PARP4: variants seen among roughly 807,000 people sequenced by gnomAD.
PARP4 encodes the protein protein mono-ADP-ribosyltransferase PARP4.
Under a neutral mutation model 187.7 loss-of-function variants are expected in PARP4, and 120 were observed. The observed-to-expected ratio is 0.64, with a 90% CI of 0.55 to 0.74. The LOEUF is 0.74. Ranked by LOEUF, PARP4 falls within the 30% of genes least tolerant of loss-of-function variation. The probability of loss-of-function intolerance (pLI) is 0.00; values close to 1 mark genes in which losing one functional copy is unlikely to be tolerated. For missense variants in PARP4, 1,836 were observed against 2,070.5 expected, an observed-to-expected ratio of 0.89 and a Z score of 2.20; for synonymous variants, 654 against 740.9, an observed-to-expected ratio of 0.88 and a Z score of 1.90.
rs149861754 is a variant in PARP4, at chr13:24,505,297, G to A, written c.-1-1520C>T. On this transcript the variant is annotated intron_variant, in intron 1 of 33. Transcript: ENST00000381989. ...CACTGCTAAGTCTTACAGGCTAAGGGTACTTATAGGTATGGGCGGGAGGGG... is the reference window on the plus strand; with the variant it reads ...CACTGCTAAGTCTTACAGGCTAAGGATACTTATAGGTATGGGCGGGAGGGG... 2.8e-3 allele frequency among the ~76,000 whole-genome samples: 422 copies of A among 152,144 alleles called. 1 individual carries two copies. The highest frequency in any genetic ancestry group is 0.017 in the Middle Eastern group (5 of 294).
intron 12 of PARP4, among the ~76,000 whole-genome samples, chr13:24,479,817 G>A (rs1055710399): frequency 8.5e-5 from 13 of 152,150 alleles, no homozygotes; most frequent in Admixed American, 1.3e-4. Flanking sequence ...TTGTTCTTTC[G>A]CTCTTTGCAA....
At chr13:24,492,186 G>C (rs1868690933) in intron 9 of PARP4, among the ~76,000 whole-genome samples, 2 of 152,224 alleles carry the variant, frequency 1.3e-5, no homozygotes, top group South Asian at 4.1e-4. Flanking sequence ...TTACAAGATA[G>C]CAATTTTAAA....
At position 24,453,028 on chromosome 13, in the gene PARP4, G is replaced by T. The variant is rs187932964; in HGVS notation, c.2827-435C>A. ...CGGCTCACTGCAACTTCTACCTCCT[G>T]GGTTCAAGCGATTCTCCTGCCTCAG... On this transcript the variant is annotated intron_variant, in intron 23 of 33. Transcript: ENST00000381989. Among the ~76,000 whole-genome samples, 499 of 152,138 alleles carry T rather than the reference G, an allele frequency of 3.3e-3. 6 individuals are homozygous for T. The highest frequency in any genetic ancestry group is 0.012 in the Admixed American group (183 of 15,268).
chr13:24,460,461 T>G, intron 17 of PARP4, among the ~76,000 whole-genome samples: 1 of 99,014 alleles, frequency 1.0e-5, no homozygotes, highest in African/African-American at 4.2e-5. Context: ...GCTGCACGGG[T>G]GGGCTCTGCT....
chr13:24,433,009 G>A (rs1870426079), intron 31 of PARP4, among the ~76,000 whole-genome samples: 1 of 152,150 alleles, frequency 6.6e-6, no homozygotes, highest in African/African-American at 2.4e-5. Context: ...ACCAGGTGCT[G>A]TTCTTTGATA....
chr13:24,492,688 C>T (rs1868725769), intron 8 of PARP4, 94 bp from the exon 9 acceptor site: 1 of 982,230 alleles, frequency 1.0e-6, no homozygotes, highest in African/African-American at 1.7e-5. Flanking sequence ...TTAGACATGT[C>T]AAGACTATCC....
chr13:24,435,531 T>A, intron 30 of PARP4, 57 bp from the exon 31 acceptor site: 1 of 1,500,468 alleles, frequency 6.7e-7, no homozygotes, highest in Admixed American at 2.2e-5. Context: ...AAAAGAACAA[T>A]CAAGCAAACA....
intron 6 of PARP4, among the ~76,000 whole-genome samples, chr13:24,497,023 G>C (rs757457531): frequency 1.3e-5 from 2 of 152,032 alleles, no homozygotes; most frequent in Non-Finnish European, 2.9e-5. Context: ...ACTCTGTCTC[G>C]GGGAAAAAGA....
chr13:24,446,123 C>T (rs1324223200), intron 27 of PARP4, among the ~76,000 whole-genome samples: 2 of 152,164 alleles, frequency 1.3e-5, no homozygotes, highest in Non-Finnish European at 2.9e-5. Flanking sequence ...ACTAGTATTT[C>T]TAAATAGCAT....
At chr13:24,490,946 T>C in intron 9 of PARP4, 118 bp from the exon 10 acceptor site, 1 of 926,394 alleles carries the variant, frequency 1.1e-6, no homozygotes, top group Middle Eastern at 3.0e-4. Flanking sequence ...AAAGCTTGTT[T>C]TACTTTATTT....
intron 15 of PARP4, among the ~76,000 whole-genome samples, chr13:24,473,979 T>C (rs1458837354): frequency 3.3e-5 from 5 of 152,160 alleles, no homozygotes; most frequent in East Asian, 1.9e-4. Flanking sequence ...TTAAACACTA[T>C]GTGAATGCTG....
intron 17 of PARP4, among the ~76,000 whole-genome samples, chr13:24,466,796 CAAA>C (rs34197201): frequency 2.2e-5 from 2 of 90,850 alleles, no homozygotes; most frequent in Non-Finnish European, 2.1e-5. Flanking sequence ...GACTCTGTCT[CAAA>C]AAAAAAAAAA....
chr13:24,495,957 C>T (rs9581075), intron 6 of PARP4, among the ~76,000 whole-genome samples: 14,912 of 152,160 alleles, frequency 0.098, 800 homozygotes, highest in Non-Finnish European at 0.12. Context: ...CTCAGCAAAC[C>T]AGGCTCACCC....
intron 32 of PARP4, among the ~76,000 whole-genome samples, chr13:24,428,525 G>T (rs1279353498): frequency 1.3e-5 from 2 of 152,062 alleles, no homozygotes; most frequent in African/African-American, 4.8e-5. Flanking sequence ...TTGTCACCTG[G>T]GCTGGAGTGC....
chr13:24,498,747 T>TG (rs201233764), intron 5 of PARP4, among the ~76,000 whole-genome samples: 14,775 of 126,914 alleles, frequency 0.12, 773 homozygotes, highest in Non-Finnish European at 0.14. Context: ...TTTTCATTTG[T>TG]GGGGAAAAAA....
At chr13:24,439,140 G>C (rs1456272310) in intron 30 of PARP4, among the ~76,000 whole-genome samples, 1 of 151,958 alleles carries the variant, frequency 6.6e-6, no homozygotes, top group Non-Finnish European at 1.5e-5. Flanking sequence ...AATTAATTTA[G>C]AACCAATTTT....
Position 24,455,104 on chromosome 13 carries a change from T to C in PARP4, c.2671A>G (p.Thr891Ala), listed in dbSNP as rs377056896. 7.4e-6 allele frequency: 12 copies of C among 1,613,518 alleles called. No individual in the cohort carries two copies. Among genetic ancestry groups the C allele is most frequent in the Non-Finnish European group, 1.0e-5 (12 of 1,179,540 alleles). The stretch of plus-strand genomic sequence containing the variant: ...GCGATTTGCTTGGCTTGCAAGAATG[T>C]CACACCCTCCATGGAACTGGAGCAG... ...LDCSSSMEGVTFLQAKQIALH... is the reference protein window; with the variant it reads ...LDCSSSMEGVAFLQAKQIALH... The change falls in exon 22 of 34, where the codon ACA (threonine) becomes GCA (alanine). Residue 891 changes from threonine to alanine, a missense_variant. Around this residue, in one of 8 missense-constraint regions of PARP4, gnomAD observed 1,147 missense variants for 1,214.2 expected, o/e 0.94. Coordinates refer to ENST00000381989, the MANE Select transcript of PARP4 (RefSeq NM_006437.4).
chr13:24,439,890 A>G (rs904036054), intron 30 of PARP4, among the ~76,000 whole-genome samples: 12 of 152,082 alleles, frequency 7.9e-5, no homozygotes, highest in African/African-American at 2.9e-4. Context: ...CCTGAGTCCC[A>G]TTCTTTGGCT....
At chr13:24,451,126 A>T (rs1288522976) in intron 24 of PARP4, among the ~76,000 whole-genome samples, 1 of 152,214 alleles carries the variant, frequency 6.6e-6, no homozygotes, top group African/African-American at 2.4e-5. Flanking sequence ...TTCGTCCCAG[A>T]ATAGGCCCTC....
Sources: gnomAD v4.1 joint callset for allele counts (sites outside exome capture counted in the v4.1 genomes callset) on GRCh38, gnomAD v4.1.1 for gene constraint, gnomAD v4.1.1 regional missense constraint, MANE v1.5 for transcripts, NCBI Gene and HGNC (gene_info 2026-07-23, HGNC 2026-07-21) for gene names.